Variants in PLEKHA7 observed in about 807,000 individuals in gnomAD.
PLEKHA7 encodes the protein pleckstrin homology domain containing A7.
PLEKHA7 carries 104 observed loss-of-function variants against 170.0 expected under a neutral mutation model. The ratio of observed to expected loss-of-function variants is 0.61; its 90% CI spans 0.52 to 0.72. The LOEUF (loss-of-function observed/expected upper bound fraction) is 0.72. Among genes scored for constraint, PLEKHA7 ranks in the 30% least tolerant of loss-of-function variants. PLEKHA7 has a pLI of 0.00. For missense variants in PLEKHA7, 1,615 were observed against 1,671.7 expected, an observed-to-expected ratio of 0.97 and a Z score of 0.59; for synonymous variants, 648 against 660.8, an observed-to-expected ratio of 0.98 and a Z score of 0.30.
chr11:16,782,653 C>T lies in PLEKHA7; in HGVS notation c.3793+101G>A, dbSNP rs1590101048. The T allele has an allele frequency of 2.1e-6, 3 of 1,426,374 alleles. No individual in the cohort carries two copies. The East Asian group carries it at 7.5e-5, about 36-fold the overall frequency. 88.4% of individuals were successfully genotyped at this position (1,426,374 alleles called of 1,614,324 possible). A position where few individuals can be genotyped will look rare whatever the true frequency, so the allele number is the denominator to read the frequency against. The stretch of plus-strand genomic sequence containing the variant: ...ACTGACCCTCAACTACCATCCTTGA[C>T]ACCTGGTTTTCCACTGGCTCTGGAA... On this transcript the variant is annotated intron_variant, in intron 26 of 26. Coordinates refer to ENST00000531066, the MANE Select transcript of PLEKHA7 (RefSeq NM_001329630.2).
Position 16,803,305 on chromosome 11 carries a change from G to C in PLEKHA7, c.2008-10C>G, listed in dbSNP as rs776457356. The stretch of plus-strand genomic sequence containing the variant: ...GGTCCCGGCCTGTCATCTGGGAGGC[G>C]AACAATTTAAAAGAGATTTAACCAT... On this transcript the variant is annotated splice_polypyrimidine_tract_variant and intron_variant, in intron 13 of 26. Transcript: ENST00000531066. The C allele has an allele frequency of 1.9e-6, 3 of 1,609,596 alleles. No individual in the cohort carries two copies. The highest frequency in any genetic ancestry group is 1.7e-5 in the Admixed American group (1 of 60,008).
At chr11:16,839,582 G>A (rs1270802751) in intron 9 of PLEKHA7, among the ~76,000 whole-genome samples, 2 of 151,868 alleles carry the variant, frequency 1.3e-5, no homozygotes, top group African/African-American at 2.4e-5. Context: ...AGGGAAAAAA[G>A]GATGGTTTTG....
At chr11:16,831,765 G>C (rs1269298413) in intron 9 of PLEKHA7, among the ~76,000 whole-genome samples, 1 of 152,232 alleles carries the variant, frequency 6.6e-6, no homozygotes, top group Non-Finnish European at 1.5e-5. Context: ...TGGGATAACA[G>C]TGTCTCCTTG....
rs1590131388 is a variant in PLEKHA7 at position 16,791,693 on chromosome 11, G to A, written c.2746-494C>T. The A allele has an allele frequency of 4.4e-6, 2 of 458,358 alleles. No individual in the cohort carries two copies. Among genetic ancestry groups the A allele is most frequent in the Non-Finnish European group, 8.8e-6 (2 of 228,138 alleles). The allele number at this position is 458,358 out of a possible 1,614,324, so 28.4% of individuals were successfully genotyped here. ...CAAGGTGGGGACCTGAACAAGGACA[G>A]AGTCTACATCCTCCTGGCCTTTCTA... is the stretch of plus-strand genomic sequence containing the variant. On this transcript the variant is annotated intron_variant, in intron 19 of 26. Coordinates refer to ENST00000531066, the MANE Select transcript of PLEKHA7 (RefSeq NM_001329630.2). The surrounding 1 kb of genome is among the most constrained non-coding windows in gnomAD (Gnocchi z 4.5).
At chr11:16,961,864 G>C (rs1008121702) in intron 3 of PLEKHA7, among the ~76,000 whole-genome samples, 4 of 152,184 alleles carry the variant, frequency 2.6e-5, no homozygotes, top group African/African-American at 9.7e-5. Context: ...CTGTAAATTA[G>C]GATCAGTACC....
chr11:16,831,172 C>T (rs1350421767), intron 9 of PLEKHA7, among the ~76,000 whole-genome samples: 1 of 152,160 alleles, frequency 6.6e-6, no homozygotes, highest in East Asian at 1.9e-4. Context: ...ACCTTTGTTC[C>T]CAAAATGTTC....
At chr11:17,006,401 C>A (rs546891546) in intron 3 of PLEKHA7, among the ~76,000 whole-genome samples, 1 of 149,422 alleles carries the variant, frequency 6.7e-6, no homozygotes, top group African/African-American at 2.5e-5. Context: ...CCAAGGCAGG[C>A]GGATTGCCTG....
intron 3 of PLEKHA7, among the ~76,000 whole-genome samples, chr11:17,005,883 A>G (rs573529866): frequency 1.5e-4 from 23 of 152,366 alleles, no homozygotes; most frequent in Admixed American, 5.9e-4. Context: ...GAAGTGAAAT[A>G]TAAAGCATGG....
intron 11 of PLEKHA7, among the ~76,000 whole-genome samples, 163 bp downstream of exon 11, chr11:16,816,637 C>T (rs1849776613): frequency 6.6e-6 from 1 of 152,156 alleles, no homozygotes; most frequent in Admixed American, 6.5e-5. Context: ...GAATTTAAAG[C>T]GAAGCCCTTG....
rs535455918 is a variant in PLEKHA7, at chr11:16,927,992, A to AG, written c.222-56811dup. ...CATCCCAATTGTGTGTGGAGGGGGA[A>AG]GGGGGGGTCTGTTGGGGAGGGAGGT... is the stretch of plus-strand genomic sequence containing the variant. On this transcript the variant is annotated intron_variant, in intron 3 of 26. Coordinates refer to ENST00000531066, the MANE Select transcript of PLEKHA7 (RefSeq NM_001329630.2). 7.9e-4 allele frequency among the ~76,000 whole-genome samples: 115 copies of AG among 144,984 alleles called. 1 individual carries two copies. Among genetic ancestry groups the AG allele is most frequent in the South Asian group, 6.4e-3 (27 of 4,244 alleles).
intron 3 of PLEKHA7, among the ~76,000 whole-genome samples, chr11:16,995,126 T>C (rs1031251691): frequency 9.2e-5 from 14 of 152,136 alleles, no homozygotes; most frequent in African/African-American, 3.4e-4. Flanking sequence ...ATTATTACCA[T>C]CCCCATTTTT....
chr11:16,988,867 T>C (rs927395923), intron 3 of PLEKHA7, among the ~76,000 whole-genome samples: 1 of 152,252 alleles, frequency 6.6e-6, no homozygotes, highest in African/African-American at 2.4e-5. Context: ...AGGATGAGAC[T>C]CTTCTATGTG....
rs149385630 is a variant in PLEKHA7, at chr11:16,831,540, G to A, written c.873-4950C>T. On this transcript the variant is annotated intron_variant, in intron 9 of 26. Transcript: ENST00000531066. ...CTGTTCCCATGCAGGTCATTGCTAC[G>A]ATCGTGAACATCTGAAACCGGTCAC... Among the ~76,000 whole-genome samples the A allele has an allele frequency of 8.6e-3, 1,310 of 152,320 alleles. 21 individuals are homozygous for A. Among genetic ancestry groups the A allele is most frequent in the African/African-American group, 0.029 (1,213 of 41,574 alleles).
intron 3 of PLEKHA7, among the ~76,000 whole-genome samples, chr11:16,992,088 T>A (rs1020220757): frequency 2.0e-5 from 3 of 151,928 alleles, no homozygotes; most frequent in Non-Finnish European, 2.9e-5. Context: ...CCCCCCAGCC[T>A]GGGCATGCAG....
At chr11:16,909,718 AC>A (rs1201294230) in intron 3 of PLEKHA7, among the ~76,000 whole-genome samples, 1 of 152,176 alleles carries the variant, frequency 6.6e-6, no homozygotes, top group Non-Finnish European at 1.5e-5. Flanking sequence ...GAGCCCAAAG[AC>A]CTTGATACTT....
At chr11:16,859,482 C>G (rs965094472) in intron 4 of PLEKHA7, among the ~76,000 whole-genome samples, 3 of 152,218 alleles carry the variant, frequency 2.0e-5, no homozygotes, top group African/African-American at 7.2e-5. Context: ...ATGGAAACTT[C>G]TAGTGGTGAT....
At chr11:16,804,894 G>GC (rs1564932653) in intron 13 of PLEKHA7, among the ~76,000 whole-genome samples, 1 of 152,170 alleles carries the variant, frequency 6.6e-6, no homozygotes, top group Non-Finnish European at 1.5e-5. Context: ...CAATGCGGGG[G>GC]GGGCGGTGCA....
rs1420004461 is a variant in PLEKHA7 at position 16,957,689 on chromosome 11, A to ATATT, written c.221+56299_221+56300insAATA. ...ATATTACATGAATTTTACCTCAATAATTTTTTTCTTTTTTTTTTTTTTTTT... is the reference window on the plus strand; with the variant it reads ...ATATTACATGAATTTTACCTCAATAATATTTTTTTTTCTTTTTTTTTTTTTTTTT... On this transcript the variant is annotated intron_variant, in intron 3 of 26. Transcript: ENST00000531066. Among the ~76,000 whole-genome samples, 62 of 118,272 alleles carry ATATT rather than the reference A, an allele frequency of 5.2e-4. 2 individuals carry two copies. Among genetic ancestry groups the ATATT allele is most frequent in the Non-Finnish European group, 7.4e-4 (42 of 56,560 alleles). The allele number at this position is 118,272 out of a possible 152,430, so 77.6% of individuals were successfully genotyped here.
At chr11:16,808,341 T>C (rs903175348) in intron 13 of PLEKHA7, among the ~76,000 whole-genome samples, 2 of 152,190 alleles carry the variant, frequency 1.3e-5, no homozygotes, top group African/African-American at 4.8e-5. Context: ...TCCAGAACAA[T>C]AGACCTCAAA....
Sources: gnomAD v4.1 joint callset for allele counts (sites outside exome capture counted in the v4.1 genomes callset) on GRCh38, gnomAD v4.1.1 for gene constraint, Gnocchi (gnomAD v3.1) non-coding constraint, MANE v1.5 for transcripts, NCBI Gene and HGNC (gene_info 2026-07-23, HGNC 2026-07-21) for gene names.